The following KCNIP1 variants were observed in gnomAD, a reference collection of about 807,000 sequenced individuals.
KCNIP1 encodes A-type potassium channel modulatory protein KCNIP1.
Under a neutral mutation model 33.0 loss-of-function variants are expected in KCNIP1, and 18 were observed. The observed-to-expected ratio is 0.55, with a 90% CI of 0.38 to 0.81. The LOEUF (loss-of-function observed/expected upper bound fraction) is 0.81, where lower values mean the gene tolerates loss of function less well. KCNIP1 is among the 30% of genes least tolerant of loss of function. The pLI, the probability that KCNIP1 is intolerant of heterozygous loss-of-function variation, is 0.00. For missense variants in KCNIP1, 238 were observed against 271.6 expected (o/e 0.88, Z 0.87); for synonymous variants, 93 against 98.3 (o/e 0.95, Z 0.32).
chr5:170,489,096 G>T lies in KCNIP1; in HGVS notation c.88+135132G>T, dbSNP rs1234713627. On this transcript the variant is annotated intron_variant, in intron 1 of 7. Coordinates refer to the KCNIP1 transcript ENST00000377360. The surrounding 1 kb of genome is among the most constrained non-coding windows in gnomAD (Gnocchi z 4.3). ...GAAGGATGTGCCTTCTCCCCCGGAG[G>T]CCAGAGGGCAGGAGACCAGCCAGGC... Among the ~76,000 whole-genome samples the T allele has an allele frequency of 6.6e-6, 1 of 152,176 alleles. No individual in the cohort carries two copies. The highest frequency in any genetic ancestry group is 1.5e-5 in the Non-Finnish European group (1 of 68,028).
intron 1 of KCNIP1, among the ~76,000 whole-genome samples, chr5:170,452,643 C>T (rs1456443124): frequency 6.6e-5 from 10 of 152,188 alleles, no homozygotes; most frequent in South Asian, 4.1e-4. Flanking sequence ...AACTTCTTTA[C>T]GACACTTTTA....
chr5:170,656,316 C>G (rs1193018020), intron 1 of KCNIP1, among the ~76,000 whole-genome samples: 2 of 152,324 alleles, frequency 1.3e-5, no homozygotes, highest in African/African-American at 2.4e-5. Context: ...TTGTGACAAT[C>G]CCAGGCCTGC....
chr5:170,519,460 T>G (rs958148293), intron 1 of KCNIP1, among the ~76,000 whole-genome samples: 1 of 152,212 alleles, frequency 6.6e-6, no homozygotes, highest in Non-Finnish European at 1.5e-5. Flanking sequence ...GACTTGTTTT[T>G]CCCTGGTGGT....
intron 1 of KCNIP1, chr5:170,378,866 T>A: frequency 6.2e-7 from 1 of 1,614,176 alleles, no homozygotes. Flanking sequence ...TCCCCCGAGG[T>A]GCGGAGAAGC....
At chr5:170,387,281 G>C (rs973786770) in intron 1 of KCNIP1, among the ~76,000 whole-genome samples, 4 of 152,138 alleles carry the variant, frequency 2.6e-5, no homozygotes, top group Non-Finnish European at 5.9e-5. Context: ...GTTTTTGTTT[G>C]TTTAATTAGC....
intron 1 of KCNIP1, among the ~76,000 whole-genome samples, chr5:170,426,058 G>C (rs1030050660): frequency 6.6e-6 from 1 of 152,216 alleles, no homozygotes; most frequent in East Asian, 1.9e-4. Flanking sequence ...GGCCCAGCCT[G>C]GTGGCCGCTT....
chr5:170,592,105 A>G (rs1758283685), intron 1 of KCNIP1, among the ~76,000 whole-genome samples: 1 of 152,028 alleles, frequency 6.6e-6, no homozygotes, highest in African/African-American at 2.4e-5. Context: ...CCTCACCAAC[A>G]CTTGTTATTT....
At chr5:170,729,945 G>C (rs1376664176) in intron 5 of KCNIP1, among the ~76,000 whole-genome samples, 1 of 151,986 alleles carries the variant, frequency 6.6e-6, no homozygotes, top group Non-Finnish European at 1.5e-5. Flanking sequence ...TAGTGCCCCA[G>C]AATGTGATAG....
chr5:170,445,586 T>G (rs1756093920), intron 1 of KCNIP1, among the ~76,000 whole-genome samples: 1 of 152,222 alleles, frequency 6.6e-6, no homozygotes, highest in Non-Finnish European at 1.5e-5. Context: ...GGATAAAACT[T>G]GCTGAAGACC....
At chr5:170,685,739 T>G (rs1056507738) in intron 1 of KCNIP1, among the ~76,000 whole-genome samples, 1 of 152,038 alleles carries the variant, frequency 6.6e-6, no homozygotes. Flanking sequence ...TCCACCCACC[T>G]CGGCCTCCCA....
chr5:170,622,989 C>A (rs1305010037), intron 1 of KCNIP1, among the ~76,000 whole-genome samples: 1 of 152,196 alleles, frequency 6.6e-6, no homozygotes, highest in Non-Finnish European at 1.5e-5. Flanking sequence ...GATCATCAGG[C>A]ATTAGCATTA....
At chr5:170,434,415 G>A (rs1353072427) in intron 1 of KCNIP1, among the ~76,000 whole-genome samples, 1 of 152,148 alleles carries the variant, frequency 6.6e-6, no homozygotes. Flanking sequence ...GGCCTCCTGG[G>A]GTGTTTGCTT....
chr5:170,593,657 C>A (rs1447691402), intron 1 of KCNIP1, among the ~76,000 whole-genome samples: 1 of 152,204 alleles, frequency 6.6e-6, no homozygotes, highest in Non-Finnish European at 1.5e-5. Flanking sequence ...AAAGATAAAT[C>A]GGGTGTGTTT....
At chr5:170,554,337 C>A (rs1393020672) in intron 1 of KCNIP1, among the ~76,000 whole-genome samples, 1 of 152,064 alleles carries the variant, frequency 6.6e-6, no homozygotes, top group African/African-American at 2.4e-5. Context: ...TTTTGCATGC[C>A]AGCTTATCCG....
intron 1 of KCNIP1, among the ~76,000 whole-genome samples, chr5:170,514,644 CTT>C (rs144069392): frequency 0.012 from 1,800 of 152,312 alleles, 39 homozygotes; most frequent in African/African-American, 0.041. Flanking sequence ...ACTTTAGTGA[CTT>C]TTCTGAAATA....
intron 1 of KCNIP1, among the ~76,000 whole-genome samples, chr5:170,643,812 A>G (rs1175107167): frequency 6.6e-5 from 10 of 152,198 alleles, no homozygotes; most frequent in Admixed American, 3.9e-4. Flanking sequence ...CTGGGGGACC[A>G]TGGGTCAGGG....
intron 4 of KCNIP1, among the ~76,000 whole-genome samples, chr5:170,722,398 C>T (rs114369280): frequency 2.4e-3 from 371 of 152,140 alleles, no homozygotes; most frequent in Non-Finnish European, 3.4e-3. Context: ...GCCACTAGAC[C>T]ATACGGCCAC....
At chr5:170,390,513 A>C (rs1490196032) in intron 1 of KCNIP1, among the ~76,000 whole-genome samples, 1 of 28,866 alleles carries the variant, frequency 3.5e-5, no homozygotes, top group Admixed American at 3.6e-4. Flanking sequence ...AAAAAAAAAA[A>C]ACAAATATAT....
chr5:170,519,093 G>A (rs184622363), intron 1 of KCNIP1, among the ~76,000 whole-genome samples: 4 of 152,292 alleles, frequency 2.6e-5, no homozygotes, highest in Admixed American at 6.5e-5. Context: ...AGCATTATAA[G>A]GTTCTCATGG....
Sources: allele counts gnomAD v4.1 joint callset (sites outside exome capture counted in the v4.1 genomes callset), GRCh38; gene constraint gnomAD v4.1.1; non-coding constraint Gnocchi (gnomAD v3.1); transcripts MANE v1.5; gene names NCBI Gene and HGNC (gene_info 2026-07-23, HGNC 2026-07-21).